The following ARHGEF26 variants were observed in gnomAD, a reference collection of about 807,000 sequenced individuals.
ARHGEF26 encodes Rho guanine nucleotide exchange factor (GEF) 26.
In ARHGEF26, 59 loss-of-function variants were observed where a neutral mutation model predicts 89.4. The ratio of observed to expected loss-of-function variants is 0.66; its 90% CI spans 0.54 to 0.82. The LOEUF is 0.82. Among genes scored for constraint, ARHGEF26 ranks in the 40% least tolerant of loss-of-function variants. ARHGEF26 has a pLI of 0.00. For missense variants in ARHGEF26, 1,234 were observed against 1,085.6 expected (o/e 1.14, Z -1.92); for synonymous variants, 500 against 428.4 (o/e 1.17, Z -2.06).
chr3:154,122,291 A>G lies in ARHGEF26; in HGVS notation c.299A>G (p.Glu100Gly). The part of the protein sequence containing the change: ...AVANGGTASP[E>G]YRAASPRLRR... ...GCCAATGGTGGGACGGCATCCCCGG[A>G]GTACAGGGCTGCCTCTCCTCGACTT... is the stretch of plus-strand genomic sequence containing the variant. The change falls in exon 2 of 15, where the codon GAG (glutamate) becomes GGG (glycine). Residue 100 changes from glutamate to glycine, a missense_variant. Transcript: ENST00000465093. 2.5e-6 allele frequency: 4 copies of G among 1,612,678 alleles called. No individual in the cohort carries two copies. Among genetic ancestry groups the G allele is most frequent in the Non-Finnish European group, 3.4e-6 (4 of 1,179,784 alleles).
At position 154,255,501 on chromosome 3, in the gene ARHGEF26, A is replaced by C; in HGVS notation, c.*28A>C. 1 of 1,603,136 alleles carries C rather than the reference A, an allele frequency of 6.2e-7. No individual in the cohort carries two copies. Among genetic ancestry groups the C allele is most frequent in the East Asian group, 2.2e-5 (1 of 44,766 alleles). ...TCTCAGATGGTCTTTTGTTACTGCA[A>C]GATTTGCACGACACTTACCGGGCTG... On this transcript the variant is annotated 3_prime_UTR_variant, in exon 15 of 15. Transcript: ENST00000465093.
intron 9 of ARHGEF26, among the ~76,000 whole-genome samples, chr3:154,205,248 TTA>T (rs1263314950): frequency 6.6e-6 from 1 of 152,174 alleles, no homozygotes; most frequent in Non-Finnish European, 1.5e-5. Flanking sequence ...CTCATTATCA[TTA>T]TATAGTGACT....
intron 3 of ARHGEF26, 104 bp downstream of exon 3, chr3:154,124,553 T>G (rs879104213): frequency 9.8e-7 from 1 of 1,019,626 alleles, no homozygotes; most frequent in African/African-American, 1.7e-5. Flanking sequence ...ATGAGAAATA[T>G]GTCCAACTTC....
intron 4 of ARHGEF26, 120 bp from the exon 5 acceptor site, chr3:154,149,269 C>A: frequency 1.6e-6 from 1 of 609,926 alleles, no homozygotes; most frequent in Non-Finnish European, 2.7e-6. Context: ...ATGAATTCAA[C>A]ATTTTGTATA....
At chr3:154,148,169 C>T (rs879337595) in intron 4 of ARHGEF26, among the ~76,000 whole-genome samples, 10 of 152,288 alleles carry the variant, frequency 6.6e-5, no homozygotes, top group East Asian at 1.9e-4. Flanking sequence ...CCAGGAGCAG[C>T]GGCCTGGCAG....
chr3:154,193,614 C>T (rs893144912), intron 8 of ARHGEF26, among the ~76,000 whole-genome samples: 9 of 152,088 alleles, frequency 5.9e-5, no homozygotes, highest in African/African-American at 2.2e-4. Flanking sequence ...TCAATTTTAC[C>T]TCATTTGGAA....
intron 6 of ARHGEF26, among the ~76,000 whole-genome samples, chr3:154,165,996 G>GA (rs1163135114): frequency 6.6e-6 from 1 of 152,016 alleles, no homozygotes; most frequent in Non-Finnish European, 1.5e-5. Context: ...GGGATGGTTT[G>GA]AAAAAATCTA....
chr3:154,235,619 T>G (rs1396746432), intron 11 of ARHGEF26, among the ~76,000 whole-genome samples: 1 of 152,238 alleles, frequency 6.6e-6, no homozygotes, highest in East Asian at 1.9e-4. Context: ...TCTATGTATT[T>G]TTGATGAAAT....
At chr3:154,226,839 G>C (rs1716526543) in intron 11 of ARHGEF26, among the ~76,000 whole-genome samples, 2 of 152,144 alleles carry the variant, frequency 1.3e-5, no homozygotes, top group Non-Finnish European at 2.9e-5. Context: ...TTCCACATAT[G>C]AGGGAAATGA....
chr3:154,205,389 T>G (rs1483383544), intron 9 of ARHGEF26, among the ~76,000 whole-genome samples: 1 of 152,116 alleles, frequency 6.6e-6, no homozygotes, highest in Admixed American at 6.6e-5. Context: ...GTTTTTAGCC[T>G]ATGTGTGTCT....
chr3:154,132,401 C>T (rs750643178), intron 4 of ARHGEF26, among the ~76,000 whole-genome samples: 3 of 152,024 alleles, frequency 2.0e-5, no homozygotes, highest in Non-Finnish European at 2.9e-5. Context: ...CTATCCCTGA[C>T]GTTCTCTTCT....
chr3:154,200,461 C>T (rs574339961), intron 9 of ARHGEF26, among the ~76,000 whole-genome samples: 15 of 152,084 alleles, frequency 9.9e-5, no homozygotes, highest in South Asian at 6.2e-4. Flanking sequence ...TGGTTATTAT[C>T]GCTCTGTAAT....
intron 12 of ARHGEF26, among the ~76,000 whole-genome samples, chr3:154,246,996 C>T (rs76883136): frequency 0.016 from 2,387 of 152,244 alleles, 60 homozygotes; most frequent in African/African-American, 0.054. Flanking sequence ...CTCTGGCACC[C>T]TGTTGAGGCC....
chr3:154,121,723 C>T (rs528462513), intron 1 of ARHGEF26, among the ~76,000 whole-genome samples: 65 of 152,274 alleles, frequency 4.3e-4, no homozygotes, highest in Non-Finnish European at 5.0e-4. Flanking sequence ...GCGGGAGGGA[C>T]GCGGAGGTGA....
intron 4 of ARHGEF26, among the ~76,000 whole-genome samples, chr3:154,143,717 G>A (rs1447402871): frequency 6.6e-6 from 1 of 152,120 alleles, no homozygotes; most frequent in African/African-American, 2.4e-5. Context: ...AGTCTGGTCT[G>A]TCCCCCAGTA....
intron 6 of ARHGEF26, among the ~76,000 whole-genome samples, chr3:154,186,742 A>C (rs1713577143): frequency 6.6e-6 from 1 of 151,986 alleles, no homozygotes; most frequent in Non-Finnish European, 1.5e-5. Context: ...AGCCTGGGTG[A>C]CAGAGTGAGG....
At chr3:154,124,488 A>G (rs751081307) in intron 3 of ARHGEF26, 39 bp downstream of exon 3, 6 of 1,503,804 alleles carry the variant, frequency 4.0e-6, no homozygotes, top group Non-Finnish European at 5.3e-6. Context: ...TGCTGTTTCA[A>G]TGTGGAATAC....
At chr3:154,216,139 T>A (rs1427705165) in intron 9 of ARHGEF26, among the ~76,000 whole-genome samples, 1 of 152,046 alleles carries the variant, frequency 6.6e-6, no homozygotes, top group Non-Finnish European at 1.5e-5. Context: ...ATTTTTATAG[T>A]GGGTATGTTT....
At chr3:154,138,609 G>C (rs1177096282) in intron 4 of ARHGEF26, among the ~76,000 whole-genome samples, 1 of 152,206 alleles carries the variant, frequency 6.6e-6, no homozygotes, top group Non-Finnish European at 1.5e-5. Flanking sequence ...GATCAGAAAT[G>C]ACAGGTGCTC....
Sources: allele counts gnomAD v4.1 joint callset (sites outside exome capture counted in the v4.1 genomes callset), GRCh38; gene constraint gnomAD v4.1.1; transcripts MANE v1.5; gene names NCBI Gene and HGNC (gene_info 2026-07-23, HGNC 2026-07-21).